TENM2: variants seen among roughly 807,000 people sequenced by gnomAD.
TENM2 encodes teneurin transmembrane protein 2, also known as teneurin-2.
Under a neutral mutation model 245.2 loss-of-function variants are expected in TENM2, and 52 were observed. The ratio of observed to expected loss-of-function variants is 0.21; its 90% confidence interval spans 0.17 to 0.27. The LOEUF is 0.27. Among genes scored for constraint, TENM2 ranks in the 10% least tolerant of loss-of-function variants. TENM2 has a pLI of 1.00. For synonymous variants in TENM2, 1,363 were observed against 1,438.9 expected (o/e 0.95, Z 1.19); for missense variants, 3,046 against 3,666.8 (o/e 0.83, Z 4.37).
At chr5:167,870,549 G>GTATATATATATATATATA (rs1772714422) in intron 2 of TENM2, among the ~76,000 whole-genome samples, 1 of 123,942 alleles carries the variant, frequency 8.1e-6, no homozygotes, top group African/African-American at 3.8e-5. Flanking sequence ...AAAAGAATGT[G>GTATATATATATATATATA]TATACATATA....
At chr5:168,248,198 C>G in exon 27 of TENM2, 1 of 1,614,068 alleles carries the variant, frequency 6.2e-7, no homozygotes, top group South Asian at 1.1e-5. Context: ...GACCCCCTGA[C>G]CAAGCTGGTC....
intron 3 of TENM2, among the ~76,000 whole-genome samples, chr5:167,949,487 C>A (rs1392389117): frequency 6.6e-6 from 1 of 152,094 alleles, no homozygotes; most frequent in African/African-American, 2.4e-5. Context: ...CCTTTCATCC[C>A]TGAAAGAACC....
At chr5:167,842,651 T>A (rs142070155) in intron 2 of TENM2, among the ~76,000 whole-genome samples, 2,298 of 149,700 alleles carry the variant, frequency 0.015, 24 homozygotes, top group Non-Finnish European at 0.025. Context: ...CATTTATATA[T>A]GGCTCTTCTG....
intron 2 of TENM2, among the ~76,000 whole-genome samples, chr5:167,489,329 C>T (rs1280904081): frequency 1.3e-5 from 2 of 152,148 alleles, no homozygotes; most frequent in African/African-American, 4.8e-5. Context: ...ATGTAGTATA[C>T]TGGCCCCCTT....
In TENM2 at chr5:168,218,683, G is replaced by A. The variant is rs1266683447; in HGVS notation, c.4792G>A (p.Ala1598Thr). The A allele has an allele frequency of 2.3e-5, 37 of 1,613,910 alleles. No individual in the cohort carries two copies. Among genetic ancestry groups the A allele is most frequent in the Middle Eastern group, 1.6e-4 (1 of 6,084 alleles). ...AGAGCAGGAGTTATATGTTTTCAAC[G>A]CTGATGGCATCCACCAATACACTGT... The change falls in exon 23 of 29, where the codon GCT becomes ACT. Residue 1598 changes from alanine (A) to threonine (T), a missense_variant. Ala to Thr is a moderately conservative substitution (Grantham distance 58). Around this residue, in one of 2 missense-constraint regions of TENM2, gnomAD observed 2,704 missense variants for 3,331.9 expected, o/e 0.81. Coordinates refer to ENST00000518659, the Ensembl canonical transcript of TENM2. The surrounding 1 kb of genome is among the most constrained non-coding windows in gnomAD (Gnocchi z 5.2).
chr5:167,566,281 T>C (rs968527457), intron 2 of TENM2, among the ~76,000 whole-genome samples: 7 of 152,086 alleles, frequency 4.6e-5, no homozygotes, highest in African/African-American at 1.4e-4. Flanking sequence ...ATCTTGAAAG[T>C]AGCGCCATTA....
At chr5:168,239,306 G>C (rs1294505546) in intron 25 of TENM2, among the ~76,000 whole-genome samples, 1 of 152,076 alleles carries the variant, frequency 6.6e-6, no homozygotes, top group Non-Finnish European at 1.5e-5. Context: ...AGAAGGATTG[G>C]GCATTTTAAT....
chr5:167,973,976 C>T (rs564356168), intron 4 of TENM2, among the ~76,000 whole-genome samples: 22 of 136,308 alleles, frequency 1.6e-4, no homozygotes, highest in African/African-American at 5.5e-4. Context: ...TTAACCAGTG[C>T]CTCTGATGGA....
At chr5:167,844,078 G>T (rs1054915013) in intron 2 of TENM2, among the ~76,000 whole-genome samples, 8 of 152,168 alleles carry the variant, frequency 5.3e-5, no homozygotes, top group African/African-American at 1.9e-4. Context: ...AGCTTAGTTT[G>T]CTCAGTGTCC....
chr5:167,609,872 C>T (rs961466399), intron 2 of TENM2, among the ~76,000 whole-genome samples: 2 of 152,050 alleles, frequency 1.3e-5, no homozygotes, highest in African/African-American at 4.8e-5. Context: ...CCAGCAGACC[C>T]CAGCTGGGAG....
the TENM2 span, among the ~76,000 whole-genome samples, chr5:166,993,274 A>T: frequency 6.6e-6 from 1 of 152,134 alleles, no homozygotes; most frequent in African/African-American, 2.4e-5. Context: ...TTTTGCAAGA[A>T]AAGGAACGCA....
chr5:167,344,451 A>G (rs1363237612), intron 1 of TENM2, among the ~76,000 whole-genome samples: 2 of 151,926 alleles, frequency 1.3e-5, no homozygotes, highest in African/African-American at 4.8e-5. Context: ...AGAAATGTTG[A>G]AAAGAAATTC....
At chr5:167,389,595 T>C (rs2127358509) in intron 2 of TENM2, among the ~76,000 whole-genome samples, 1 of 152,284 alleles carries the variant, frequency 6.6e-6, no homozygotes, top group African/African-American at 2.4e-5. Flanking sequence ...TTAGTTGCAG[T>C]AAAGAGCAAT....
intron 2 of TENM2, among the ~76,000 whole-genome samples, chr5:167,801,031 G>A (rs1382862393): frequency 1.4e-4 from 20 of 140,084 alleles, no homozygotes; most frequent in South Asian, 2.3e-4. Context: ...ATCAGTTTTC[G>A]AATAAAGGTC....
intron 6 of TENM2, among the ~76,000 whole-genome samples, chr5:168,056,122 T>C (rs1338594288): frequency 6.6e-6 from 1 of 152,228 alleles, no homozygotes; most frequent in African/African-American, 2.4e-5. Context: ...AAGTCCTTCT[T>C]CATGGAACTC....
intron 2 of TENM2, among the ~76,000 whole-genome samples, chr5:167,408,092 G>A (rs1263694180): frequency 6.6e-6 from 1 of 152,080 alleles, no homozygotes; most frequent in African/African-American, 2.4e-5. Flanking sequence ...ATTGTGGATT[G>A]TGTGTTATAT....
At chr5:167,325,348 T>A (rs977748163) in intron 1 of TENM2, among the ~76,000 whole-genome samples, 1 of 152,136 alleles carries the variant, frequency 6.6e-6, no homozygotes, top group African/African-American at 2.4e-5. Flanking sequence ...ATAGTTTGAG[T>A]GATGGTGGAA....
At chr5:167,152,279 C>T in the TENM2 span, among the ~76,000 whole-genome samples, 1 of 152,174 alleles carries the variant, frequency 6.6e-6, no homozygotes, top group Non-Finnish European at 1.5e-5. Flanking sequence ...AAGCCGCATA[C>T]CTGCACTTAG....
chr5:167,833,266 G>T (rs1768673643), intron 2 of TENM2, among the ~76,000 whole-genome samples: 1 of 151,794 alleles, frequency 6.6e-6, no homozygotes, highest in Non-Finnish European at 1.5e-5. Context: ...AACTTGTTTA[G>T]TAATAATAGA....
Sources: allele counts gnomAD v4.1 joint callset (sites outside exome capture counted in the v4.1 genomes callset), GRCh38; gene constraint gnomAD v4.1.1; regional missense constraint gnomAD v4.1.1; non-coding constraint Gnocchi (gnomAD v3.1); transcripts MANE v1.5; gene names NCBI Gene and HGNC (gene_info 2026-07-23, HGNC 2026-07-21).